PGM5: variants seen among roughly 807,000 people sequenced by gnomAD.
PGM5 encodes phosphoglucomutase 5.
A neutral mutation model predicts 59.2 loss-of-function variants in PGM5; 23 were observed. That is an observed-to-expected ratio of 0.39 (90% CI 0.28 to 0.55). The LOEUF is 0.55. PGM5 is among the 20% of genes least tolerant of loss of function. The probability of loss-of-function intolerance (pLI) is 0.66; values close to 1 mark genes in which losing one functional copy is unlikely to be tolerated. For synonymous variants in PGM5, 214 were observed against 286.0 expected, an observed-to-expected ratio of 0.75 and a Z score of 2.54; for missense variants, 574 against 748.3, an observed-to-expected ratio of 0.77 and a Z score of 2.72.
chr9:68,367,577 T>A (rs1554676800), intron 1 of PGM5, among the ~76,000 whole-genome samples: 4 of 152,300 alleles, frequency 2.6e-5, no homozygotes, highest in East Asian at 3.9e-4. Context: ...AGGCATAATC[T>A]TTTTTTGGAC....
At chr9:68,489,155 G>A (rs1481736858) in intron 9 of PGM5, among the ~76,000 whole-genome samples, 3 of 152,068 alleles carry the variant, frequency 2.0e-5, no homozygotes, top group Non-Finnish European at 2.9e-5. Flanking sequence ...TCTAACATGT[G>A]GCCTAAGTCC....
chr9:68,480,838 G>T (rs930956946), intron 8 of PGM5, among the ~76,000 whole-genome samples: 28 of 152,192 alleles, frequency 1.8e-4, no homozygotes, highest in Admixed American at 5.2e-4. Flanking sequence ...CTTTCCCGTT[G>T]TTTAAGTAAA....
intron 1 of PGM5, among the ~76,000 whole-genome samples, chr9:68,369,292 G>A (rs1459024794): frequency 6.6e-6 from 1 of 152,244 alleles, no homozygotes; most frequent in East Asian, 1.9e-4. Context: ...CCAGGCAGTA[G>A]GTGGCAAAGT....
intron 6 of PGM5, among the ~76,000 whole-genome samples, chr9:68,407,871 A>G (rs1822851095): frequency 2.0e-5 from 3 of 152,250 alleles, no homozygotes; most frequent in Admixed American, 6.5e-5. Context: ...GCATGAGAGG[A>G]CAGAGGAGAG....
chr9:68,448,605 C>T (rs1823649363), intron 6 of PGM5, among the ~76,000 whole-genome samples: 1 of 152,184 alleles, frequency 6.6e-6, no homozygotes, highest in Non-Finnish European at 1.5e-5. Context: ...GCAGCTGGGG[C>T]TCTGTATATT....
rs142385436 is a variant in PGM5 at position 68,499,436 on chromosome 9, G to A, written c.1614+75G>A. 22 of 1,463,980 alleles carry A rather than the reference G, an allele frequency of 1.5e-5. No homozygotes were observed. The East Asian group carries it at 4.9e-4, about 32-fold the overall frequency. 90.7% of individuals were successfully genotyped at this position (1,463,980 alleles called of 1,614,324 possible). On this transcript the variant is annotated intron_variant, in intron 10 of 10. Transcript: ENST00000396396. ...ATTTAGAGAGCTCCATGGGCCTTTA[G>A]TGGGGCTATTTTACCTCCTGGAAAG...
At chr9:68,484,128 G>A in intron 9 of PGM5, 80 bp downstream of exon 9, 1 of 1,257,290 alleles carries the variant, frequency 8.0e-7, no homozygotes, top group South Asian at 1.3e-5. Flanking sequence ...GAGGTCCTTA[G>A]GGATGATCTA....
intron 1 of PGM5, among the ~76,000 whole-genome samples, chr9:68,374,390 T>C (rs200930686): frequency 0.19 from 26,703 of 139,836 alleles, 171 homozygotes; most frequent in Admixed American, 0.25. Context: ...TTATCATGAC[T>C]TTGGGTAATA....
At chr9:68,384,204 A>C (rs1404230066) in intron 2 of PGM5, among the ~76,000 whole-genome samples, 194 bp from the exon 3 acceptor site, 1 of 152,012 alleles carries the variant, frequency 6.6e-6, no homozygotes, top group African/African-American at 2.4e-5. Context: ...AGAACAGGTG[A>C]GGCTGATCAA....
At chr9:68,461,949 C>A (rs1469381058) in intron 6 of PGM5, among the ~76,000 whole-genome samples, 3 of 151,920 alleles carry the variant, frequency 2.0e-5, no homozygotes, top group African/African-American at 7.3e-5. Context: ...AATTTAAGGG[C>A]ATATTTGGAA....
At chr9:68,421,141 G>T (rs1823122182) in intron 6 of PGM5, among the ~76,000 whole-genome samples, 1 of 152,186 alleles carries the variant, frequency 6.6e-6, no homozygotes, top group Non-Finnish European at 1.5e-5. Context: ...GGGGAGACGA[G>T]GTGTGTACTG....
chr9:68,469,966 A>G (rs887602528), intron 7 of PGM5, among the ~76,000 whole-genome samples: 2 of 152,224 alleles, frequency 1.3e-5, no homozygotes, highest in Non-Finnish European at 2.9e-5. Flanking sequence ...AGATTTATAA[A>G]ACAAAATCAC....
At chr9:68,529,042 G>A (rs1825035931) in intron 10 of PGM5, among the ~76,000 whole-genome samples, 1 of 152,158 alleles carries the variant, frequency 6.6e-6, no homozygotes, top group Non-Finnish European at 1.5e-5. Flanking sequence ...GTTACGTAAT[G>A]GGAAGGCATG....
intron 10 of PGM5, among the ~76,000 whole-genome samples, chr9:68,504,711 A>T (rs1824628755): frequency 6.6e-6 from 1 of 151,902 alleles, no homozygotes; most frequent in Admixed American, 6.6e-5. Context: ...CTCATCATAT[A>T]TATATATATT....
At chr9:68,473,478 A>G (rs1824054630) in intron 7 of PGM5, among the ~76,000 whole-genome samples, 1 of 152,206 alleles carries the variant, frequency 6.6e-6, no homozygotes, top group South Asian at 2.1e-4. Context: ...TCTTTTTACC[A>G]CTTAGTAGCT....
intron 1 of PGM5, among the ~76,000 whole-genome samples, chr9:68,366,315 G>C (rs1388537494): frequency 2.2e-4 from 34 of 152,028 alleles, no homozygotes; most frequent in Admixed American, 5.9e-4. Flanking sequence ...ACAGAGAACA[G>C]GTACATAATT....
chr9:68,450,840 C>A (rs1197261375), intron 6 of PGM5, among the ~76,000 whole-genome samples: 4 of 152,154 alleles, frequency 2.6e-5, no homozygotes, highest in African/African-American at 9.7e-5. Context: ...TATTCGAAAT[C>A]TGCATAATTA....
chr9:68,449,273 T>C (rs1368115118), intron 6 of PGM5, among the ~76,000 whole-genome samples: 2 of 152,236 alleles, frequency 1.3e-5, no homozygotes, highest in Admixed American at 1.3e-4. Flanking sequence ...CTTTAGTCTA[T>C]AGCCCTGGGG....
chr9:68,455,489 A>G (rs2132073126), intron 6 of PGM5, among the ~76,000 whole-genome samples: 1 of 151,012 alleles, frequency 6.6e-6, no homozygotes, highest in African/African-American at 2.5e-5. Context: ...ACAAAGTATA[A>G]GCATCATCTC....
Sources: gnomAD v4.1 joint callset for allele counts (sites outside exome capture counted in the v4.1 genomes callset) on GRCh38, gnomAD v4.1.1 for gene constraint, MANE v1.5 for transcripts, NCBI Gene and HGNC (gene_info 2026-07-23, HGNC 2026-07-21) for gene names.